The following MRTFB variants were observed in gnomAD, a reference collection of about 807,000 sequenced individuals.
MRTFB encodes myocardin related transcription factor B, also known as myocardin-related transcription factor B.
In MRTFB, 29 loss-of-function variants were observed where a neutral mutation model predicts 104.2. The observed-to-expected ratio is 0.28, with a 90% CI of 0.21 to 0.38. The LOEUF (loss-of-function observed/expected upper bound fraction) is 0.38, where lower values mean the gene tolerates loss of function less well. Among genes scored for constraint, MRTFB ranks in the 10% least tolerant of loss-of-function variants. MRTFB has a pLI of 1.00. For synonymous variants in MRTFB, 535 were observed against 519.5 expected (o/e 1.03, Z -0.41); for missense variants, 1,270 against 1,341.6 (o/e 0.95, Z 0.83).
At chr16:14,019,199 C>G in the MRTFB span, 1 of 152,186 alleles carries the variant, frequency 6.6e-6, no homozygotes, top group South Asian at 2.1e-4. Context: ...GGTGCCACTC[C>G]CATTTCCACC....
chr16:14,258,007 C>G, intron 15 of MRTFB, 94 bp from the exon 16 acceptor site: 1 of 1,075,532 alleles, frequency 9.3e-7, no homozygotes, highest in African/African-American at 1.6e-5. Context: ...TAGATTAGAA[C>G]TAAATCATCT....
At chr16:14,008,129 G>A in the MRTFB span, among the ~76,000 whole-genome samples, 2 of 152,154 alleles carry the variant, frequency 1.3e-5, no homozygotes, top group Non-Finnish European at 2.9e-5. Context: ...AACTCAGGAG[G>A]CTGAGGTAGG....
intron 8 of MRTFB, 62 bp downstream of exon 8, chr16:14,219,060 T>A: frequency 6.8e-7 from 1 of 1,461,346 alleles, no homozygotes; most frequent in Non-Finnish European, 9.2e-7. Context: ...TTTAATATAT[T>A]AAGGTAATAC....
At chr16:14,113,541 A>T (rs1416431518) in intron 2 of MRTFB, among the ~76,000 whole-genome samples, 3 of 152,110 alleles carry the variant, frequency 2.0e-5, no homozygotes, top group African/African-American at 4.8e-5. Flanking sequence ...TGGGTGTAGG[A>T]TGTGATTGTT....
At chr16:14,230,317 A>T (rs1018080866) in intron 8 of MRTFB, among the ~76,000 whole-genome samples, 2 of 152,216 alleles carry the variant, frequency 1.3e-5, no homozygotes, top group African/African-American at 4.8e-5. Flanking sequence ...CTGCACAGCA[A>T]AAGAAACTAC....
chr16:14,084,783 A>G (rs2034602405), intron 2 of MRTFB, among the ~76,000 whole-genome samples: 1 of 152,160 alleles, frequency 6.6e-6, no homozygotes, highest in Non-Finnish European at 1.5e-5. Context: ...TTAATTTTAT[A>G]TTTGCCTTAG....
At chr16:14,058,197 C>T in the MRTFB span, among the ~76,000 whole-genome samples, 1 of 152,102 alleles carries the variant, frequency 6.6e-6, no homozygotes, top group Non-Finnish European at 1.5e-5. Flanking sequence ...GGGCACTGAA[C>T]CATCATAAGA....
chr16:14,094,303 A>G (rs1222514869), intron 2 of MRTFB, among the ~76,000 whole-genome samples: 4 of 152,186 alleles, frequency 2.6e-5, no homozygotes, highest in Admixed American at 2.6e-4. Flanking sequence ...AATAATCTCT[A>G]TCTAGATTTA....
intron 2 of MRTFB, among the ~76,000 whole-genome samples, chr16:14,087,129 C>G (rs1311123118): frequency 6.6e-6 from 1 of 152,148 alleles, no homozygotes; most frequent in Admixed American, 6.5e-5. Flanking sequence ...GAATAGATCC[C>G]TAGCAAAGCC....
intron 3 of MRTFB, among the ~76,000 whole-genome samples, chr16:14,187,852 G>C (rs1247209704): frequency 6.6e-6 from 1 of 152,164 alleles, no homozygotes; most frequent in African/African-American, 2.4e-5. Flanking sequence ...TGTTTAATTT[G>C]AAAATTGGTT....
At chr16:14,122,104 C>G (rs1043134254) in intron 2 of MRTFB, among the ~76,000 whole-genome samples, 3 of 151,922 alleles carry the variant, frequency 2.0e-5, no homozygotes, top group African/African-American at 7.3e-5. Context: ...ACTCTCCCTG[C>G]CTTCCCCGTT....
intron 2 of MRTFB, among the ~76,000 whole-genome samples, chr16:14,088,874 C>T (rs971171150): frequency 6.6e-6 from 1 of 152,186 alleles, no homozygotes; most frequent in Non-Finnish European, 1.5e-5. Context: ...TTCTGATAAC[C>T]ATTTTTCTTT....
chr16:14,093,251 T>G (rs2035184534), intron 2 of MRTFB, among the ~76,000 whole-genome samples: 1 of 152,102 alleles, frequency 6.6e-6, no homozygotes, highest in Non-Finnish European at 1.5e-5. Context: ...GGATTTTTTT[T>G]TTTTTTACAA....
the MRTFB span, chr16:14,018,773 G>A: frequency 6.6e-6 from 1 of 151,758 alleles, no homozygotes. Context: ...AATCATTCTT[G>A]TACCCATGAA....
At chr16:14,127,236 GCA>G (rs1167508574) in intron 2 of MRTFB, among the ~76,000 whole-genome samples, 2 of 152,094 alleles carry the variant, frequency 1.3e-5, no homozygotes, top group African/African-American at 4.8e-5. Context: ...TATGCAAAAG[GCA>G]AACAAATTTC....
chr16:14,136,621 T>G (rs566254291), intron 2 of MRTFB, among the ~76,000 whole-genome samples: 1 of 152,192 alleles, frequency 6.6e-6, no homozygotes, highest in South Asian at 2.1e-4. Flanking sequence ...TAGCACTGAT[T>G]TGGGGACTAC....
intron 2 of MRTFB, among the ~76,000 whole-genome samples, chr16:14,099,591 T>C (rs1282149104): frequency 6.6e-6 from 1 of 151,950 alleles, no homozygotes; most frequent in African/African-American, 2.4e-5. Flanking sequence ...TCAAGTGATC[T>C]ATCTACCTCG....
chr16:14,111,427 G>GA (rs1478895775), intron 2 of MRTFB, among the ~76,000 whole-genome samples: 1 of 152,188 alleles, frequency 6.6e-6, no homozygotes, highest in African/African-American at 2.4e-5. Flanking sequence ...GAAGGAGGTA[G>GA]AAAATCCCCA....
chr16:14,148,460 G>A (rs933161445), intron 3 of MRTFB, among the ~76,000 whole-genome samples: 1 of 152,150 alleles, frequency 6.6e-6, no homozygotes, highest in South Asian at 2.1e-4. Context: ...TACTTAGCTT[G>A]TATTTTAAGA....
Sources: gnomAD v4.1 joint callset for allele counts (sites outside exome capture counted in the v4.1 genomes callset) on GRCh38, gnomAD v4.1.1 for gene constraint, MANE v1.5 for transcripts, NCBI Gene and HGNC (gene_info 2026-07-23, HGNC 2026-07-21) for gene names.